Variants in GULP1 observed in about 807,000 individuals in gnomAD.
The protein encoded by GULP1 is PTB domain-containing engulfment adapter protein 1.
A neutral mutation model predicts 40.9 loss-of-function variants in GULP1; 19 were observed. The observed-to-expected ratio is 0.46, with a 90% CI of 0.32 to 0.68. GULP1 has a LOEUF of 0.68. Ranked by LOEUF, GULP1 falls within the 30% of genes least tolerant of loss-of-function variation. The pLI, the probability that GULP1 is intolerant of heterozygous loss-of-function variation, is 0.03. For synonymous variants in GULP1, 119 were observed against 117.6 expected (o/e 1.01, Z -0.08); for missense variants, 312 against 362.2 (o/e 0.86, Z 1.12).
intron 1 of GULP1, among the ~76,000 whole-genome samples, chr2:188,315,187 A>G (rs1468493146): frequency 6.6e-6 from 1 of 152,214 alleles, no homozygotes; most frequent in Admixed American, 6.6e-5. Flanking sequence ...AAAGAAACTC[A>G]GGCTAGTTTT....
chr2:188,503,740 A>G (rs1257186634), intron 4 of GULP1, among the ~76,000 whole-genome samples: 4 of 152,000 alleles, frequency 2.6e-5, no homozygotes, highest in East Asian at 1.9e-4. Context: ...CATGACTTCC[A>G]TGGACTTTGC....
At chr2:188,340,956 C>A (rs1272382206) in intron 1 of GULP1, among the ~76,000 whole-genome samples, 1 of 152,152 alleles carries the variant, frequency 6.6e-6, no homozygotes, top group Non-Finnish European at 1.5e-5. Context: ...GCTGTTTCTT[C>A]TTTTCTCCTC....
chr2:188,304,301 A>G (rs747993787), intron 1 of GULP1, among the ~76,000 whole-genome samples: 8 of 152,202 alleles, frequency 5.3e-5, no homozygotes, highest in Non-Finnish European at 1.2e-4. Context: ...CATAAGATTC[A>G]TATTAACATC....
chr2:188,449,511 T>C (rs1406411611), intron 2 of GULP1, among the ~76,000 whole-genome samples: 2 of 152,214 alleles, frequency 1.3e-5, no homozygotes, highest in African/African-American at 4.8e-5. Flanking sequence ...CTTCTGGGGA[T>C]AGCATTATGG....
rs572106102 is a variant in GULP1 at position 188,317,823 on chromosome 2, A to G, written c.-172+25657A>G. 3.3e-5 allele frequency among the ~76,000 whole-genome samples: 5 copies of G among 151,810 alleles called. No homozygotes were observed. In the South Asian group the frequency reaches 6.3e-4, roughly 19 times the overall value. On this transcript the variant is annotated intron_variant, in intron 1 of 11. Coordinates refer to ENST00000409830, the MANE Select transcript of GULP1 (RefSeq NM_016315.4). ...TTTTTTTTTATATTGTGGCATATGT[A>G]TAGTGGATCGAAGATGATATTAGAT...
chr2:188,405,005 A>G (rs1422693523), intron 2 of GULP1, among the ~76,000 whole-genome samples: 1 of 152,024 alleles, frequency 6.6e-6, no homozygotes, highest in Non-Finnish European at 1.5e-5. Context: ...TGCATATCCC[A>G]GCAGACTCAG....
chr2:188,495,616 T>C (rs1439379521), intron 4 of GULP1, among the ~76,000 whole-genome samples: 1 of 152,068 alleles, frequency 6.6e-6, no homozygotes, highest in East Asian at 1.9e-4. Flanking sequence ...CTCATCGAAA[T>C]GAATTAAAAG....
intron 2 of GULP1, among the ~76,000 whole-genome samples, chr2:188,442,561 T>C (rs902265763): frequency 1.3e-5 from 2 of 152,256 alleles, no homozygotes; most frequent in Non-Finnish European, 2.9e-5. Context: ...GTTTTAATTT[T>C]GGCTCCTAGG....
chr2:188,562,462 T>C (rs760797204), intron 7 of GULP1, among the ~76,000 whole-genome samples: 4 of 152,200 alleles, frequency 2.6e-5, no homozygotes, highest in Non-Finnish European at 5.9e-5. Flanking sequence ...TGGTCTTTGC[T>C]CTTGGATTAT....
intron 7 of GULP1, among the ~76,000 whole-genome samples, chr2:188,566,146 A>G (rs1296120581): frequency 3.3e-5 from 5 of 152,144 alleles, no homozygotes; most frequent in African/African-American, 4.8e-5. Context: ...TTCATTGTAT[A>G]TAAATTTTAC....
At chr2:188,419,606 T>TG (rs796606999) in intron 2 of GULP1, among the ~76,000 whole-genome samples, 1 of 152,086 alleles carries the variant, frequency 6.6e-6, no homozygotes, top group Non-Finnish European at 1.5e-5. Context: ...TTTTGGAGAT[T>TG]ATCCTCATAA....
intron 9 of GULP1, among the ~76,000 whole-genome samples, chr2:188,572,934 C>G (rs1482845064): frequency 6.6e-6 from 1 of 152,044 alleles, no homozygotes; most frequent in East Asian, 1.9e-4. Context: ...CAAGAGATCT[C>G]TTGTACAACA....
At chr2:188,512,574 T>G (rs1349375243) in intron 4 of GULP1, among the ~76,000 whole-genome samples, 1 of 152,094 alleles carries the variant, frequency 6.6e-6, no homozygotes, top group African/African-American at 2.4e-5. Flanking sequence ...AAAACAGTCC[T>G]ACATTATTCA....
At chr2:188,512,571 T>C (rs1477441759) in intron 4 of GULP1, among the ~76,000 whole-genome samples, 2 of 152,106 alleles carry the variant, frequency 1.3e-5, no homozygotes, top group Non-Finnish European at 2.9e-5. Flanking sequence ...TTAAAAACAG[T>C]CCTACATTAT....
At chr2:188,496,044 A>G (rs1217173043) in intron 4 of GULP1, among the ~76,000 whole-genome samples, 1 of 152,014 alleles carries the variant, frequency 6.6e-6, no homozygotes, top group African/African-American at 2.4e-5. Flanking sequence ...CTGTCTCCCA[A>G]GCAGATTTTA....
chr2:188,433,352 AGTCTGTCATTT>A (rs2057089540), intron 2 of GULP1, among the ~76,000 whole-genome samples: 1 of 152,154 alleles, frequency 6.6e-6, no homozygotes, highest in Non-Finnish European at 1.5e-5. Context: ...TGAGAAGCTC[AGTCTGTCATTT>A]GTTTATGCAA....
chr2:188,475,596 T>C (rs2060945908), intron 2 of GULP1, among the ~76,000 whole-genome samples: 1 of 152,140 alleles, frequency 6.6e-6, no homozygotes, highest in Non-Finnish European at 1.5e-5. Context: ...TGGACAGGTA[T>C]ATTAAATTTT....
At chr2:188,458,489 A>G (rs2059446539) in intron 2 of GULP1, among the ~76,000 whole-genome samples, 1 of 152,072 alleles carries the variant, frequency 6.6e-6, no homozygotes. Context: ...TCCTCTGAAA[A>G]TACAATGCAA....
intron 1 of GULP1, among the ~76,000 whole-genome samples, chr2:188,378,605 T>A (rs2048608312): frequency 6.6e-6 from 1 of 152,038 alleles, no homozygotes; most frequent in Admixed American, 6.6e-5. Context: ...GAAATTGAAG[T>A]GGAGCCTGCA....
Sources: allele counts gnomAD v4.1 joint callset (sites outside exome capture counted in the v4.1 genomes callset), GRCh38; gene constraint gnomAD v4.1.1; transcripts MANE v1.5; gene names NCBI Gene and HGNC (gene_info 2026-07-23, HGNC 2026-07-21).